MYO1D: variants seen among roughly 807,000 people sequenced by gnomAD.
MYO1D encodes myosin ID, also known as unconventional myosin-Id.
MYO1D carries 83 observed loss-of-function variants against 122.0 expected under a neutral mutation model. That is an observed-to-expected ratio of 0.68 (90% CI 0.57 to 0.82). The LOEUF (loss-of-function observed/expected upper bound fraction) is 0.82, where lower values mean the gene tolerates loss of function less well. Ranked by LOEUF, MYO1D falls within the 40% of genes least tolerant of loss-of-function variation. The pLI, the probability that MYO1D is intolerant of heterozygous loss-of-function variation, is 0.00. For missense variants in MYO1D, 1,157 were observed against 1,269.5 expected, an observed-to-expected ratio of 0.91 and a Z score of 1.35; for synonymous variants, 464 against 446.9, an observed-to-expected ratio of 1.04 and a Z score of -0.48.
At chr17:32,691,820 G>A (rs902036567) in intron 16 of MYO1D, among the ~76,000 whole-genome samples, 4 of 152,006 alleles carry the variant, frequency 2.6e-5, no homozygotes, top group Non-Finnish European at 5.9e-5. Flanking sequence ...TAGATTTTTT[G>A]GAAACACATT....
At position 32,493,609 on chromosome 17, in the gene MYO1D, C is replaced by G. The variant is rs1182805313; in HGVS notation, c.*1150G>C. ...CTCAAGGCCTTCTCAGCAGCTGGGG[C>G]TCAGTGGGGAAGGTGGTCTCAGAAG... On this transcript the variant is annotated 3_prime_UTR_variant, in exon 22 of 22. Transcript: ENST00000318217. 2 of 152,416 alleles carry G rather than the reference C, an allele frequency of 1.3e-5. No homozygotes were observed. The highest frequency in any genetic ancestry group is 2.9e-5 in the Non-Finnish European group (2 of 68,180). The allele number at this position is 152,416 out of a possible 1,614,324, so 9.4% of individuals were successfully genotyped here.
chr17:32,876,286 A>G (rs2091228783), intron 1 of MYO1D, among the ~76,000 whole-genome samples: 2 of 152,054 alleles, frequency 1.3e-5, no homozygotes, highest in Admixed American at 1.3e-4. Flanking sequence ...AAAAAAAAAG[A>G]AGGGCGAAGA....
intron 16 of MYO1D, among the ~76,000 whole-genome samples, chr17:32,687,420 A>G (rs888084117): frequency 2.6e-5 from 4 of 152,046 alleles, no homozygotes. Flanking sequence ...GATGGTCTCG[A>G]TCTCCTGACC....
intron 21 of MYO1D, among the ~76,000 whole-genome samples, chr17:32,550,158 G>A (rs947956419): frequency 2.0e-5 from 3 of 150,802 alleles, no homozygotes; most frequent in Admixed American, 6.6e-5. Context: ...GGAGGGCAGC[G>A]GTGTAATCTC....
chr17:32,649,537 T>C (rs1401877219), intron 19 of MYO1D, among the ~76,000 whole-genome samples: 7 of 151,824 alleles, frequency 4.6e-5, no homozygotes, highest in Non-Finnish European at 8.8e-5. Context: ...TTTTTATCCA[T>C]TGTATGGCTA....
intron 16 of MYO1D, among the ~76,000 whole-genome samples, chr17:32,677,675 G>A (rs938402450): frequency 6.7e-6 from 1 of 149,600 alleles, no homozygotes; most frequent in Non-Finnish European, 1.5e-5. Context: ...AAAGTATGAT[G>A]AAAAGGGCAT....
intron 1 of MYO1D, among the ~76,000 whole-genome samples, chr17:32,864,785 CATTT>C (rs913212127): frequency 2.5e-4 from 38 of 152,164 alleles, no homozygotes; most frequent in African/African-American, 8.4e-4. Flanking sequence ...AAGTACTATG[CATTT>C]ATTTGTTTAT....
rs559815041 is a variant in MYO1D, at chr17:32,722,260, T to C, written c.1747-1071A>G. Among the ~76,000 whole-genome samples the C allele has an allele frequency of 9.8e-5, 15 of 152,348 alleles. No individual in the cohort carries two copies. In the South Asian group the frequency reaches 2.7e-3, roughly 27 times the overall value. On this transcript the variant is annotated intron_variant, in intron 14 of 21. Transcript: ENST00000318217. ...AGGCCCTGCTGTATTAGTTTCCTAT[T>C]GCTGCTATAGCAGATTATCATAAAT...
At chr17:32,596,205 C>T (rs920539840) in intron 21 of MYO1D, among the ~76,000 whole-genome samples, 6 of 152,184 alleles carry the variant, frequency 3.9e-5, no homozygotes, top group Admixed American at 3.9e-4. Flanking sequence ...ACATGGCATA[C>T]CTTTATTTTG....
chr17:32,720,994 C>T (rs1431591460), intron 15 of MYO1D, 29 bp downstream of exon 15: 3 of 1,601,728 alleles, frequency 1.9e-6, no homozygotes, highest in Non-Finnish European at 2.6e-6. Context: ...TCTCAGTGAA[C>T]TAGGCCTCTC....
At chr17:32,730,904 CTT>C (rs754771399) in intron 14 of MYO1D, among the ~76,000 whole-genome samples, 6 of 108,780 alleles carry the variant, frequency 5.5e-5, no homozygotes, top group African/African-American at 1.7e-4. Context: ...TTCCACGTGT[CTT>C]TTTTTTTTTT....
At chr17:32,601,002 A>C (rs1290363619) in intron 21 of MYO1D, among the ~76,000 whole-genome samples, 1 of 147,818 alleles carries the variant, frequency 6.8e-6, no homozygotes, top group East Asian at 2.0e-4. Flanking sequence ...CCCAGGTTGA[A>C]GTGCAGTGGC....
chr17:32,772,565 G>C (rs1426792680), intron 5 of MYO1D, among the ~76,000 whole-genome samples: 1 of 152,220 alleles, frequency 6.6e-6, no homozygotes, highest in East Asian at 1.9e-4. Context: ...GCAGTCATCT[G>C]GTTGGCTAAG....
chr17:32,646,959 T>C (rs1415864314), intron 19 of MYO1D, among the ~76,000 whole-genome samples: 4 of 152,218 alleles, frequency 2.6e-5, no homozygotes, highest in Non-Finnish European at 5.9e-5. Flanking sequence ...TAAATTCATA[T>C]AGTAATAGAA....
intron 14 of MYO1D, among the ~76,000 whole-genome samples, chr17:32,736,992 T>G (rs1242155650): frequency 1.3e-5 from 2 of 152,216 alleles, no homozygotes; most frequent in Non-Finnish European, 2.9e-5. Context: ...TGCGGTCACT[T>G]GAGGCCAAAG....
At chr17:32,661,655 CA>C (rs11367680) in intron 16 of MYO1D, among the ~76,000 whole-genome samples, 100,215 of 147,616 alleles carry the variant, frequency 0.68, 33,787 homozygotes, top group Middle Eastern at 0.77. Flanking sequence ...GACCCTGTCC[CA>C]AAAAAAAAAA....
At chr17:32,618,173 A>G (rs1231446570) in intron 20 of MYO1D, among the ~76,000 whole-genome samples, 2 of 152,236 alleles carry the variant, frequency 1.3e-5, no homozygotes, top group South Asian at 2.1e-4. Flanking sequence ...ATGAGCTTTG[A>G]GCAGTAATGA....
At chr17:32,848,892 C>A (rs1432667684) in intron 1 of MYO1D, among the ~76,000 whole-genome samples, 1 of 152,122 alleles carries the variant, frequency 6.6e-6, no homozygotes, top group Non-Finnish European at 1.5e-5. Flanking sequence ...TCCTAGATGA[C>A]CATTTCATAG....
At chr17:32,532,394 C>T (rs534274098) in intron 21 of MYO1D, among the ~76,000 whole-genome samples, 3 of 152,042 alleles carry the variant, frequency 2.0e-5, no homozygotes, top group East Asian at 3.9e-4. Context: ...TGGTGACCCA[C>T]GGCCTTAAAA....
Sources: allele counts gnomAD v4.1 joint callset (sites outside exome capture counted in the v4.1 genomes callset), GRCh38; gene constraint gnomAD v4.1.1; transcripts MANE v1.5; gene names NCBI Gene and HGNC (gene_info 2026-07-23, HGNC 2026-07-21).